The following ABCA13 variants were observed in gnomAD, a reference collection of about 807,000 sequenced individuals.
ABCA13 encodes the protein ATP-binding cassette sub-family A member 13.
In ABCA13, 476 loss-of-function variants were observed where a neutral mutation model predicts 478.7. The ratio of observed to expected loss-of-function variants is 0.99; its 90% confidence interval spans 0.92 to 1.07. The LOEUF is 1.07. Among genes scored for constraint, ABCA13 ranks in the 50% least tolerant of loss-of-function variants. The pLI is 0.00. For missense variants in ABCA13, 6,060 were observed against 5,910.6 expected, an observed-to-expected ratio of 1.03 and a Z score of -0.83; for synonymous variants, 2,252 against 2,158.9, an observed-to-expected ratio of 1.04 and a Z score of -1.20.
intron 35 of ABCA13, among the ~76,000 whole-genome samples, chr7:48,377,798 GA>G (rs1813738325): frequency 6.6e-6 from 1 of 152,210 alleles, no homozygotes; most frequent in African/African-American, 2.4e-5. Flanking sequence ...AGGGTTCAAG[GA>G]AATTGGATGA....
chr7:48,351,865 C>T (rs1809056497), intron 30 of ABCA13, among the ~76,000 whole-genome samples: 1 of 152,188 alleles, frequency 6.6e-6, no homozygotes, highest in African/African-American at 2.4e-5. Flanking sequence ...TTAACATCTG[C>T]AATCAAGAGA....
rs569434420 is a variant in ABCA13 at position 48,398,137 on chromosome 7, TA to T, written c.11874-5545del. ...AGAAATAGCTAGGTATCTTATGGAC[TA>T]TATATTATGAGATAGCAAATTGGCT... On this transcript the variant is annotated intron_variant, in intron 38 of 61. Transcript: ENST00000435803. Among the ~76,000 whole-genome samples, 5 of 152,344 alleles carry T rather than the reference TA, an allele frequency of 3.3e-5. No individual in the cohort carries two copies. In the East Asian group the frequency reaches 9.6e-4, roughly 29 times the overall value.
At chr7:48,303,158 G>C (rs995000839) in intron 23 of ABCA13, among the ~76,000 whole-genome samples, 10 of 151,968 alleles carry the variant, frequency 6.6e-5, no homozygotes, top group Non-Finnish European at 1.2e-4. Context: ...GTCTGTTCAT[G>C]TCCTTTGCCC....
chr7:48,293,091 C>T (rs190501013), intron 20 of ABCA13, among the ~76,000 whole-genome samples: 1 of 151,862 alleles, frequency 6.6e-6, no homozygotes, highest in Non-Finnish European at 1.5e-5. Flanking sequence ...TGGTTTAGTT[C>T]CCCCCACAGT....
At chr7:48,596,031 A>G (rs572159045) in intron 58 of ABCA13, among the ~76,000 whole-genome samples, 1 of 152,354 alleles carries the variant, frequency 6.6e-6, no homozygotes, top group African/African-American at 2.4e-5. Context: ...AGGAGACTTT[A>G]CTGATTACTG....
At chr7:48,335,616 G>T (rs1055566515) in intron 28 of ABCA13, 81 bp downstream of exon 28, 10 of 1,035,990 alleles carry the variant, frequency 9.7e-6, no homozygotes, top group Non-Finnish European at 1.4e-5. Context: ...CCCTGTAGAA[G>T]ATTCTACAGA....
chr7:48,616,042 C>T (rs1792538233), intron 59 of ABCA13, among the ~76,000 whole-genome samples: 2 of 150,166 alleles, frequency 1.3e-5, no homozygotes, highest in Non-Finnish European at 2.9e-5. Flanking sequence ...CCTAAATACA[C>T]GTCCAATTTT....
intron 35 of ABCA13, among the ~76,000 whole-genome samples, chr7:48,380,762 T>A (rs1442354901): frequency 6.6e-6 from 1 of 152,148 alleles, no homozygotes; most frequent in South Asian, 2.1e-4. Context: ...TTACTGACCC[T>A]AGAGGGACTG....
At chr7:48,629,940 G>A (rs1046983613) in intron 59 of ABCA13, among the ~76,000 whole-genome samples, 2 of 152,052 alleles carry the variant, frequency 1.3e-5, no homozygotes, top group African/African-American at 4.8e-5. Context: ...AAGAATTGGG[G>A]CAATATTTAC....
intron 29 of ABCA13, among the ~76,000 whole-genome samples, chr7:48,345,136 C>T (rs1387585298): frequency 6.6e-6 from 1 of 152,230 alleles, no homozygotes; most frequent in African/African-American, 2.4e-5. Context: ...ACATTACTCA[C>T]TTGTTTGTGG....
intron 3 of ABCA13, among the ~76,000 whole-genome samples, chr7:48,216,671 C>A (rs1222449101): frequency 2.0e-5 from 3 of 152,156 alleles, no homozygotes; most frequent in Non-Finnish European, 4.4e-5. Context: ...AACCTTCAAT[C>A]ATAAGGATTT....
intron 38 of ABCA13, among the ~76,000 whole-genome samples, chr7:48,403,179 G>A (rs935940303): frequency 6.6e-6 from 1 of 152,204 alleles, no homozygotes; most frequent in African/African-American, 2.4e-5. Flanking sequence ...TACTTTGCAC[G>A]TGGCATTTCA....
intron 16 of ABCA13, 33 bp downstream of exon 16, chr7:48,269,127 A>C (rs140928811): frequency 1.0e-5 from 12 of 1,197,420 alleles, no homozygotes; most frequent in Non-Finnish European, 1.4e-5. Context: ...CTAGGTCTTG[A>C]TTTAATTATC....
At chr7:48,298,148 A>G (rs1348138792) in intron 22 of ABCA13, among the ~76,000 whole-genome samples, 1 of 152,116 alleles carries the variant, frequency 6.6e-6, no homozygotes, top group Non-Finnish European at 1.5e-5. Context: ...TAGACCAGTA[A>G]CCAGAAAATA....
At chr7:48,543,545 A>G (rs1007396805) in intron 55 of ABCA13, among the ~76,000 whole-genome samples, 3 of 151,440 alleles carry the variant, frequency 2.0e-5, no homozygotes, top group African/African-American at 7.3e-5. Context: ...AATCGCTTGA[A>G]CCCAGGAGTC....
chr7:48,600,963 T>C (rs1213031082), intron 58 of ABCA13, among the ~76,000 whole-genome samples: 1 of 152,172 alleles, frequency 6.6e-6, no homozygotes, highest in African/African-American at 2.4e-5. Context: ...ATTACGTGTA[T>C]GTTGAAACTC....
At chr7:48,560,787 C>T (rs1053196311) in intron 55 of ABCA13, among the ~76,000 whole-genome samples, 3 of 152,152 alleles carry the variant, frequency 2.0e-5, no homozygotes, top group Non-Finnish European at 4.4e-5. Flanking sequence ...TGCAATAGAT[C>T]TCAAAATAAA....
At chr7:48,466,741 G>A (rs17662478) in intron 43 of ABCA13, among the ~76,000 whole-genome samples, 24,312 of 152,140 alleles carry the variant, frequency 0.16, 2,449 homozygotes, top group East Asian at 0.23. Context: ...CATATCTGAT[G>A]GCAAAACTAT....
intron 55 of ABCA13, among the ~76,000 whole-genome samples, chr7:48,571,465 C>T (rs1787638028): frequency 6.6e-6 from 1 of 151,426 alleles, no homozygotes; most frequent in Admixed American, 6.6e-5. Context: ...TTCTTCTTTA[C>T]TGTAGAATTC....
Sources: allele counts gnomAD v4.1 joint callset (sites outside exome capture counted in the v4.1 genomes callset), GRCh38; gene constraint gnomAD v4.1.1; transcripts MANE v1.5; gene names NCBI Gene and HGNC (gene_info 2026-07-23, HGNC 2026-07-21).